CCDC148: variants seen among roughly 807,000 people sequenced by gnomAD.
CCDC148 encodes the protein coiled-coil domain containing 148, also known as coiled-coil domain-containing protein 148.
Under a neutral mutation model 85.7 loss-of-function variants are expected in CCDC148, and 89 were observed. The observed-to-expected ratio is 1.04, with a 90% CI of 0.87 to 1.24. CCDC148 has a LOEUF of 1.24. CCDC148 is among the 50% of genes most tolerant of loss of function. CCDC148 has a pLI of 0.00. For missense variants in CCDC148, 692 were observed against 671.7 expected (o/e 1.03, Z -0.33); for synonymous variants, 230 against 213.9 (o/e 1.08, Z -0.66).
intron 1 of CCDC148, among the ~76,000 whole-genome samples, chr2:158,433,196 G>T (rs1687452671): frequency 7.0e-6 from 1 of 143,222 alleles, no homozygotes; most frequent in South Asian, 2.2e-4. Context: ...GGAAGTCAAG[G>T]CCACAGTGAG....
intron 1 of CCDC148, among the ~76,000 whole-genome samples, chr2:158,400,470 T>C (rs1685730427): frequency 6.6e-6 from 1 of 152,202 alleles, no homozygotes; most frequent in Non-Finnish European, 1.5e-5. Context: ...AGGATCCCTA[T>C]TTAATCAATG....
chr2:158,301,441 A>G (rs958973126), intron 9 of CCDC148, among the ~76,000 whole-genome samples: 2 of 152,234 alleles, frequency 1.3e-5, no homozygotes, highest in Non-Finnish European at 2.9e-5. Context: ...TCAGCCTTCT[A>G]AGTTGATATA....
Position 158,261,806 on chromosome 2 carries a change from A to G in CCDC148, c.1111-10894T>C, listed in dbSNP as rs112240020. On this transcript the variant is annotated intron_variant, in intron 9 of 13. Coordinates refer to ENST00000283233, the MANE Select transcript of CCDC148 (RefSeq NM_138803.4). ...CATTAGAGAAATGCAAGGCAAAACC[A>G]CAATGAGATACCATCTCACACCAGT... is the stretch of plus-strand genomic sequence containing the variant. 2.7e-3 allele frequency among the ~76,000 whole-genome samples: 418 copies of G among 152,222 alleles called. 2 individuals carry two copies. The highest frequency in any genetic ancestry group is 9.4e-3 in the African/African-American group (389 of 41,552).
chr2:158,408,522 A>G (rs1219216222), intron 1 of CCDC148, among the ~76,000 whole-genome samples: 3 of 152,100 alleles, frequency 2.0e-5, no homozygotes, highest in African/African-American at 7.2e-5. Flanking sequence ...TTAGCATAAT[A>G]TCCTCCAGTT....
At chr2:158,433,852 C>T (rs188854379) in intron 1 of CCDC148, among the ~76,000 whole-genome samples, 105 of 152,352 alleles carry the variant, frequency 6.9e-4, no homozygotes, top group Non-Finnish European at 2.9e-5. Context: ...GAGGGTCCCA[C>T]GCCCATGGAG....
intron 7 of CCDC148, among the ~76,000 whole-genome samples, chr2:158,324,067 C>A (rs1005859388): frequency 6.6e-6 from 1 of 151,452 alleles, no homozygotes; most frequent in African/African-American, 2.4e-5. Context: ...CAGGCATGCA[C>A]CACTACTGCC....
At chr2:158,196,218 T>G (rs560513064) in intron 11 of CCDC148, among the ~76,000 whole-genome samples, 3 of 152,328 alleles carry the variant, frequency 2.0e-5, no homozygotes, top group African/African-American at 7.2e-5. Flanking sequence ...CACCACTTTT[T>G]AATTATTTTA....
chr2:158,281,926 A>G (rs1044908967), intron 9 of CCDC148, among the ~76,000 whole-genome samples: 1 of 151,894 alleles, frequency 6.6e-6, no homozygotes, highest in Admixed American at 6.6e-5. Flanking sequence ...AAGCTTATCC[A>G]CCATGATCAA....
At chr2:158,433,637 G>A (rs978572547) in intron 1 of CCDC148, among the ~76,000 whole-genome samples, 7 of 152,266 alleles carry the variant, frequency 4.6e-5, no homozygotes, top group Admixed American at 4.6e-4. Context: ...TCAGACAGTG[G>A]GTGCAGCACA....
At chr2:158,453,948 T>C (rs1284952762) in intron 1 of CCDC148, among the ~76,000 whole-genome samples, 1 of 152,192 alleles carries the variant, frequency 6.6e-6, no homozygotes, top group Non-Finnish European at 1.5e-5. Flanking sequence ...GTGGCCAGGC[T>C]AGCAGTTTAA....
chr2:158,265,501 G>T (rs989034743), intron 9 of CCDC148, among the ~76,000 whole-genome samples: 1 of 148,956 alleles, frequency 6.7e-6, no homozygotes, highest in African/African-American at 2.4e-5. Flanking sequence ...ACTGTCATTA[G>T]TATATAAATT....
intron 11 of CCDC148, among the ~76,000 whole-genome samples, chr2:158,195,491 T>C (rs1339288564): frequency 6.6e-6 from 1 of 152,182 alleles, no homozygotes; most frequent in African/African-American, 2.4e-5. Flanking sequence ...GCGTTTTTGC[T>C]AAAAATTTAC....
At chr2:158,444,683 T>C (rs1396332328) in intron 1 of CCDC148, among the ~76,000 whole-genome samples, 1 of 146,540 alleles carries the variant, frequency 6.8e-6, no homozygotes, top group Non-Finnish European at 1.5e-5. Flanking sequence ...TCAGGAGGGC[T>C]GAGGCAGGAG....
chr2:158,266,037 G>A (rs1212871773), intron 9 of CCDC148, among the ~76,000 whole-genome samples: 1 of 152,078 alleles, frequency 6.6e-6, no homozygotes, highest in Admixed American at 6.6e-5. Context: ...TTTCCTAACT[G>A]GTTCTCCACT....
chr2:158,272,059 C>T (rs1689722479), intron 9 of CCDC148, among the ~76,000 whole-genome samples: 1 of 152,076 alleles, frequency 6.6e-6, no homozygotes, highest in Non-Finnish European at 1.5e-5. Context: ...AATCCAAGTT[C>T]AAAAGGCAGG....
intron 1 of CCDC148, among the ~76,000 whole-genome samples, chr2:158,443,519 A>G (rs1263318843): frequency 2.5e-4 from 31 of 123,674 alleles, no homozygotes; most frequent in African/African-American, 8.4e-4. Flanking sequence ...AAAAAAAAAA[A>G]AAAAGAAAAG....
intron 11 of CCDC148, among the ~76,000 whole-genome samples, chr2:158,198,663 T>C (rs897721395): frequency 1.3e-5 from 2 of 152,184 alleles, no homozygotes; most frequent in South Asian, 2.1e-4. Context: ...GGCTTCAAGG[T>C]CTTTTTTTTT....
chr2:158,312,837 GA>G (rs1692100906), intron 8 of CCDC148, among the ~76,000 whole-genome samples: 1 of 152,068 alleles, frequency 6.6e-6, no homozygotes, highest in Non-Finnish European at 1.5e-5. Context: ...AAGAGGATGG[GA>G]GAAAATGGTC....
intron 1 of CCDC148, among the ~76,000 whole-genome samples, chr2:158,411,326 T>C (rs1266422084): frequency 6.6e-6 from 1 of 152,146 alleles, no homozygotes; most frequent in African/African-American, 2.4e-5. Context: ...ATAATTTGTA[T>C]ACTGGTTCAC....
Sources: gnomAD v4.1 joint callset for allele counts (sites outside exome capture counted in the v4.1 genomes callset) on GRCh38, gnomAD v4.1.1 for gene constraint, MANE v1.5 for transcripts, NCBI Gene and HGNC (gene_info 2026-07-23, HGNC 2026-07-21) for gene names.